The following BPIFB2 variants were observed in gnomAD, a reference collection of about 807,000 sequenced individuals.
BPIFB2 encodes the protein BPI fold containing family B member 2, also known as BPI fold-containing family B member 2.
A neutral mutation model predicts 50.1 loss-of-function variants in BPIFB2; 39 were observed. The observed-to-expected ratio is 0.78, with a 90% CI of 0.60 to 1.02. The LOEUF is 1.02. Among genes scored for constraint, BPIFB2 ranks in the 50% least tolerant of loss-of-function variants. The pLI is 0.00. For synonymous variants in BPIFB2, 280 were observed against 256.3 expected, an observed-to-expected ratio of 1.09 and a Z score of -0.88; for missense variants, 574 against 585.8, an observed-to-expected ratio of 0.98 and a Z score of 0.21.
At position 33,015,619 on chromosome 20, in the gene BPIFB2, C is replaced by T. The variant is rs1978391993; in HGVS notation, c.516+123C>T. The stretch of plus-strand genomic sequence containing the variant: ...GGGATTAAAAAAAAAAAAAAGACGC[C>T]CCTTCATGGTCCCCATGAAGGCAGG... On this transcript the variant is annotated intron_variant, in intron 6 of 15. Coordinates refer to ENST00000170150, the MANE Select transcript of BPIFB2 (RefSeq NM_025227.3). The T allele has an allele frequency of 2.4e-6, 2 of 839,154 alleles. 1 individual carries two copies. Among genetic ancestry groups the T allele is most frequent in the South Asian group, 3.7e-5 (2 of 53,768 alleles). The allele number at this position is 839,154 out of a possible 1,614,324, so 52.0% of individuals were successfully genotyped here.
In BPIFB2 at chr20:33,009,048, G is replaced by T. The variant is rs1990251020; in HGVS notation, c.109+365G>T. Among the ~76,000 whole-genome samples the T allele has an allele frequency of 6.6e-6, 1 of 152,208 alleles. No homozygotes were observed. Among genetic ancestry groups the T allele is most frequent in the African/African-American group, 2.4e-5 (1 of 41,446 alleles). Reference sequence around the variant, plus strand: ...CGTGTGTACTTAAGTGTCGGGGAGGGTGCAAGCCCATGATGCTGCCTGGAT... The same window carrying T: ...CGTGTGTACTTAAGTGTCGGGGAGGTTGCAAGCCCATGATGCTGCCTGGAT... On this transcript the variant is annotated intron_variant, in intron 2 of 15. Transcript: ENST00000170150. The surrounding 1 kb of genome is among the most constrained non-coding windows in gnomAD (Gnocchi z 4.2).
intron 3 of BPIFB2, among the ~76,000 whole-genome samples, chr20:33,012,266 C>G (rs529357211): frequency 2.6e-5 from 4 of 152,296 alleles, no homozygotes; most frequent in South Asian, 4.1e-4. Flanking sequence ...TTTGTAGACA[C>G]AGGATTGAAC....
Position 33,021,347 on chromosome 20 carries a change from A to G in BPIFB2, c.1258+3A>G. ...GCCCCTGCTGGACCATCTCAATGGT[A>G]AGCCCTGCCCTCCACCCCAGCAGGG... On this transcript the variant is annotated splice_donor_region_variant and intron_variant, in intron 14 of 15. Transcript: ENST00000170150. 5 of 1,612,280 alleles carry G rather than the reference A, an allele frequency of 3.1e-6. No individual in the cohort carries two copies. Among genetic ancestry groups the G allele is most frequent in the Non-Finnish European group, 4.2e-6 (5 of 1,179,260 alleles).
At chr20:33,015,591 C>G in intron 6 of BPIFB2, 95 bp downstream of exon 6, 1 of 1,049,776 alleles carries the variant, frequency 9.5e-7, no homozygotes. Flanking sequence ...GGGTACTTTG[C>G]TTGGGATTAA....
intron 13 of BPIFB2, among the ~76,000 whole-genome samples, 158 bp from the exon 14 acceptor site, chr20:33,021,123 C>A (rs1200935546): frequency 1.3e-5 from 2 of 152,210 alleles, no homozygotes; most frequent in Non-Finnish European, 2.9e-5. Flanking sequence ...CCACTTGAAC[C>A]CAGGACATGG....
rs753808135 is a variant in BPIFB2, at chr20:33,019,605, T to C, written c.935T>C (p.Met312Thr). The C allele has an allele frequency of 5.6e-6, 9 of 1,605,144 alleles. No homozygotes were observed. The highest frequency in any genetic ancestry group is 7.7e-6 in the Non-Finnish European group (9 of 1,174,600). The change falls in exon 11 of 16, where the codon ATG becomes ACG. Residue 312 changes from methionine to threonine, a missense_variant. Coordinates refer to ENST00000170150, the MANE Select transcript of BPIFB2 (RefSeq NM_025227.3). ...PEVARQFPEP[M>T]PVVLKVRLGA... Reference sequence around the variant, plus strand: ...GTGGCCCGCCAGTTTCCCGAGCCCATGCCTGTGGTGCTCAAGGTGCGGCTG... The same window carrying C: ...GTGGCCCGCCAGTTTCCCGAGCCCACGCCTGTGGTGCTCAAGGTGCGGCTG...
Position 33,019,704 on chromosome 20 carries a change from C to A in BPIFB2, c.1034C>A (p.Ala345Asp). The change falls in exon 11 of 16, where the codon GCC becomes GAC. Residue 345 changes from alanine to aspartate, a missense_variant. Physicochemically the swap from Ala to Asp is moderately radical, Grantham distance 126 (BLOSUM62 -2). Coordinates refer to ENST00000170150, the MANE Select transcript of BPIFB2 (RefSeq NM_025227.3). ...LRLQPFVEVL[A>D]TASNSAFQSL... ...CTGCAGCCCTTCGTGGAGGTCCTGG[C>A]CACAGCCTCCAACTCGGCTTTCCAG... is the stretch of plus-strand genomic sequence containing the variant. The A allele has an allele frequency of 6.2e-7, 1 of 1,611,750 alleles. No homozygotes were observed. The highest frequency in any genetic ancestry group is 8.5e-7 in the Non-Finnish European group (1 of 1,178,954).
At chr20:33,021,243 G>T (rs1305675589) in intron 13 of BPIFB2, 38 bp from the exon 14 acceptor site, 21 of 1,608,526 alleles carry the variant, frequency 1.3e-5, no homozygotes, top group Non-Finnish European at 1.7e-5. Context: ...TGGCCCCTCG[G>T]CTGGGACGGG....
At chr20:33,016,135 C>G (rs1978419619) in intron 6 of BPIFB2, among the ~76,000 whole-genome samples, 1 of 152,034 alleles carries the variant, frequency 6.6e-6, no homozygotes, top group African/African-American at 2.4e-5. Context: ...TCTGCCCTAT[C>G]CCATCCCAAC....
chr20:33,016,921 C>G (rs1004980822), intron 6 of BPIFB2, 121 bp from the exon 7 acceptor site: 20 of 847,184 alleles, frequency 2.4e-5, no homozygotes, highest in African/African-American at 2.0e-4. Flanking sequence ...GGAAGGGATT[C>G]CAGGCATGGT....
At chr20:33,021,172 C>A in intron 13 of BPIFB2, 109 bp from the exon 14 acceptor site, 1 of 1,206,066 alleles carries the variant, frequency 8.3e-7, no homozygotes, top group Non-Finnish European at 1.2e-6. Flanking sequence ...CCTCTGCCAT[C>A]CATCTGTTGT....
chr20:33,013,841 G>A lies in BPIFB2; in HGVS notation c.340G>A (p.Val114Met), dbSNP rs769835358. 3.7e-6 allele frequency: 6 copies of A among 1,613,644 alleles called. No individual in the cohort carries two copies. The Middle Eastern group carries it at 5.1e-4, about 136-fold the overall frequency. The change falls in exon 5 of 16, where the codon GTG becomes ATG. Residue 114 changes from valine (V) to methionine (M), a missense_variant. By Grantham distance (21) the Val-to-Met change is conservative. Transcript: ENST00000170150. ...APEPLELTLPVELLADTRVTQ... is the reference protein window; with the variant it reads ...APEPLELTLPMELLADTRVTQ... ...AGAGCCCCTGGAGCTGACGCTGCCT[G>A]TGGAACTGCTGGCTGACACCCGCGT... is the stretch of plus-strand genomic sequence containing the variant.
intron 13 of BPIFB2, 48 bp downstream of exon 13, chr20:33,020,635 A>T: frequency 6.5e-7 from 1 of 1,536,404 alleles, no homozygotes; most frequent in East Asian, 2.3e-5. Context: ...TGGGTAGGGC[A>T]CACCTTGAGC....
rs368281672 is a variant in BPIFB2 at position 33,021,776 on chromosome 20, G to A, written c.1312G>A (p.Ala438Thr). The A allele has an allele frequency of 2.1e-5, 34 of 1,613,808 alleles. No homozygotes were observed. Among genetic ancestry groups the A allele is most frequent in the Middle Eastern group, 1.6e-4 (1 of 6,084 alleles). The change falls in exon 15 of 16, where the codon GCC (alanine) becomes ACC (threonine). Residue 438 changes from alanine (A) to threonine (T), a missense_variant. Physicochemically the swap from Ala to Thr is moderately conservative, Grantham distance 58. Transcript: ENST00000170150. ...TGGTGTGGTCAACCTCCACTATGTC[G>A]CCCCTGAGATCTTTGTCTATGAGGT... ...LPGVVNLHYVAPEIFVYEGYV... is the reference protein window; with the variant it reads ...LPGVVNLHYVTPEIFVYEGYV...
In BPIFB2 at chr20:33,009,544, T is replaced by C. The variant is rs1051857683; in HGVS notation, c.109+861T>C. Among the ~76,000 whole-genome samples the C allele has an allele frequency of 2.6e-5, 4 of 152,184 alleles. No homozygotes were observed. The highest frequency in any genetic ancestry group is 2.4e-5 in the African/African-American group (1 of 41,444). On this transcript the variant is annotated intron_variant, in intron 2 of 15. Coordinates refer to ENST00000170150, the MANE Select transcript of BPIFB2 (RefSeq NM_025227.3). This position sits in a 1 kb window ranked among gnomAD's most constrained non-coding sequence, Gnocchi z 4.2. The stretch of plus-strand genomic sequence containing the variant: ...TTCAGTGGCCCAGGACATGAAGCAG[T>C]GGCTCAGGGAAGTAGCAGGTTTCCC...
At position 33,023,350 on chromosome 20, in the gene BPIFB2, G is replaced by A. The variant is rs772351491; in HGVS notation, c.1344G>A (p.Val448=). 1 of 1,613,778 alleles carries A rather than the reference G, an allele frequency of 6.2e-7. No individual in the cohort carries two copies. Among genetic ancestry groups the A allele is most frequent in the South Asian group, 1.1e-5 (1 of 91,080 alleles). The change falls in exon 16 of 16, where the codon GTG becomes GTA. Residue 448 remains valine, a synonymous_variant. Transcript: ENST00000170150. The part of the protein sequence containing the change: ...APEIFVYEGY[V]VISSGLFYQS ...TTTCCTTTGCCCTTCAGGGCTACGT[G>A]GTGATATCCAGTGGACTCTTCTACC...
At chr20:33,022,450 C>T (rs142190910) in intron 15 of BPIFB2, among the ~76,000 whole-genome samples, 2 of 152,164 alleles carry the variant, frequency 1.3e-5, no homozygotes, top group African/African-American at 4.8e-5. Flanking sequence ...TTATCCGCCC[C>T]CATGAGAAGG....
chr20:33,018,848 G>A (rs748380610), intron 9 of BPIFB2, 26 bp downstream of exon 9: 7 of 1,597,256 alleles, frequency 4.4e-6, no homozygotes, highest in Non-Finnish European at 5.1e-6. Context: ...GCAGCCCAGG[G>A]CCTGTGGGGC....
At position 33,012,902 on chromosome 20, in the gene BPIFB2, C is replaced by A; in HGVS notation, c.303C>A (p.Val101=). 1 of 1,610,048 alleles carries A rather than the reference C, an allele frequency of 6.2e-7. No individual in the cohort carries two copies. Among genetic ancestry groups the A allele is most frequent in the Admixed American group, 1.7e-5 (1 of 60,000 alleles). ...LLAAANFTFK[V]FRAPEPLELT... ...CAGCAGCTAATTTTACTTTCAAGGT[C>A]TTTCGGTGAGCGGATCTCCTTGTTA... Residue 101 remains valine (V), a synonymous_variant, in exon 4 of 16, where the codon GTC becomes GTA. Transcript: ENST00000170150.
Sources: allele counts gnomAD v4.1 joint callset (sites outside exome capture counted in the v4.1 genomes callset), GRCh38; gene constraint gnomAD v4.1.1; non-coding constraint Gnocchi (gnomAD v3.1); transcripts MANE v1.5; gene names NCBI Gene and HGNC (gene_info 2026-07-23, HGNC 2026-07-21).